Variants in DCAKD observed in about 807,000 individuals in gnomAD.
The protein encoded by DCAKD is dephospho-CoA kinase domain-containing protein.
DCAKD carries 15 observed loss-of-function variants against 18.7 expected under a neutral mutation model. The observed-to-expected ratio is 0.80, with a 90% CI of 0.54 to 1.24. The LOEUF is 1.24. DCAKD is among the 50% of genes most tolerant of loss of function. The pLI, the probability that DCAKD is intolerant of heterozygous loss-of-function variation, is 0.00. For missense variants in DCAKD, 301 were observed against 322.0 expected, an observed-to-expected ratio of 0.93 and a Z score of 0.50; for synonymous variants, 130 against 133.0, an observed-to-expected ratio of 0.98 and a Z score of 0.16.
upstream of DCAKD, chr17:45,054,249 TA>T (rs1597990134): frequency 7.0e-6 from 3 of 431,350 alleles, no homozygotes; most frequent in East Asian, 6.9e-5. Flanking sequence ...AAGACAGTTT[TA>T]TTTATTTTTT....
chr17:45,024,509 A>G lies in DCAKD; in HGVS notation c.620T>C (p.Phe207Ser). ...GGCAGCGAGCCCTGTGAGGACCCCA[A>G]ACCTCAGCGGCAGGTACTCCAGGGA... ...ERSLEYLPLR[F>S]GVLTGLAAIA... Residue 207 changes from phenylalanine (F) to serine (S), a missense_variant, in exon 5 of 5, where the codon TTT becomes TCT. By Grantham distance (155) the Phe-to-Ser change is radical. Coordinates refer to ENST00000651974, the MANE Select transcript of DCAKD (RefSeq NM_001288655.2). 3.7e-6 allele frequency: 6 copies of G among 1,614,116 alleles called. No individual in the cohort carries two copies. The highest frequency in any genetic ancestry group is 5.1e-6 in the Non-Finnish European group (6 of 1,179,978).
At chr17:45,025,813 G>A (rs182270051) in intron 4 of DCAKD, among the ~76,000 whole-genome samples, 149 of 141,374 alleles carry the variant, frequency 1.1e-3, no homozygotes, top group African/African-American at 3.6e-3. Flanking sequence ...GTGCAGTGGC[G>A]TGATCTTGGC....
At chr17:45,031,105 G>C (rs2053163592) in intron 3 of DCAKD, 1 of 985,290 alleles carries the variant, frequency 1.0e-6, no homozygotes, top group African/African-American at 1.7e-5. Context: ...TGGCCTGGCT[G>C]GGGCAGGAGA....
chr17:45,061,101 T>A, exon 1 of DCAKD: 1 of 1,321,246 alleles, frequency 7.6e-7, no homozygotes, highest in Non-Finnish European at 9.7e-7. Context: ...CCTCAAAGCG[T>A]GGCCGAATGC....
chr17:45,059,227 A>G (rs2053821837), intron 1 of DCAKD, among the ~76,000 whole-genome samples: 1 of 151,940 alleles, frequency 6.6e-6, no homozygotes, highest in Non-Finnish European at 1.5e-5. Context: ...GCGACAGAGC[A>G]AGAGAGCGAG....
intron 1 of DCAKD, among the ~76,000 whole-genome samples, chr17:45,041,655 C>G (rs1222784852): frequency 6.6e-6 from 1 of 152,140 alleles, no homozygotes; most frequent in Admixed American, 6.6e-5. Flanking sequence ...CTGGTGTTCT[C>G]TCTGCCAGAC....
In DCAKD at chr17:45,023,913, A is replaced by C. The variant is rs7225735; in HGVS notation, c.*520T>G. On this transcript the variant is annotated 3_prime_UTR_variant, in exon 5 of 5. Transcript: ENST00000651974. ...ACTGGGGGGCCTGGGCCTTCAGTAT[A>C]AAAAATATCTCAACCTAGGGGAGGG... The C allele has an allele frequency of 0.66, 100,200 of 152,480 alleles. 33,598 individuals are homozygous for C. The highest frequency in any genetic ancestry group is 0.77 in the African/African-American group (32,060 of 41,404). 9.4% of individuals were successfully genotyped at this position (152,480 alleles called of 1,614,324 possible).
chr17:45,036,397 T>A (rs1329371158), intron 1 of DCAKD, among the ~76,000 whole-genome samples: 4 of 152,018 alleles, frequency 2.6e-5, no homozygotes, highest in Non-Finnish European at 5.9e-5. Flanking sequence ...GCGCCTGCAG[T>A]CCCAGCTACT....
intron 3 of DCAKD, chr17:45,031,074 GCTT>G: frequency 3.0e-6 from 3 of 985,404 alleles, no homozygotes; most frequent in Non-Finnish European, 3.6e-6. Context: ...ATAGGAAAAT[GCTT>G]CTCTGCCCAG....
At chr17:45,027,046 C>T (rs1213731344) in intron 4 of DCAKD, among the ~76,000 whole-genome samples, 3 of 152,178 alleles carry the variant, frequency 2.0e-5, no homozygotes, top group Non-Finnish European at 4.4e-5. Context: ...ACAAATTTTT[C>T]AAAAACATGA....
chr17:45,039,016 G>A (rs746037350), intron 1 of DCAKD, among the ~76,000 whole-genome samples: 1 of 152,236 alleles, frequency 6.6e-6, no homozygotes, highest in South Asian at 2.1e-4. Flanking sequence ...AGTACCAGAT[G>A]AAAACATCTG....
At chr17:45,056,526 T>TCC (rs1790258237), upstream of DCAKD, among the ~76,000 whole-genome samples, 2 of 152,140 alleles carry the variant, frequency 1.3e-5, no homozygotes, top group South Asian at 2.1e-4. Context: ...CAGGTTGGAG[T>TCC]GCAATGGTGC....
intron 2 of DCAKD, 28 bp downstream of exon 2, chr17:45,034,746 G>T: frequency 6.2e-7 from 1 of 1,606,476 alleles, no homozygotes; most frequent in South Asian, 1.1e-5. Flanking sequence ...TGCTGTGCAC[G>T]GCCCCCCAAC....
chr17:45,026,950 G>A (rs2053068194), intron 4 of DCAKD: 2 of 345,462 alleles, frequency 5.8e-6, no homozygotes, highest in Non-Finnish European at 8.1e-6. Flanking sequence ...GCCCTTCCTG[G>A]GGCTCAGAAA....
rs2053003090 is a variant in DCAKD, at chr17:45,024,261, A to G, written c.*172T>C. ...CCAAAGACGGGATGGCCTGGCACAG[A>G]GGCCCAGCCCTGATTCGGAGAGTCC... is the stretch of plus-strand genomic sequence containing the variant. On this transcript the variant is annotated 3_prime_UTR_variant, in exon 5 of 5. Transcript: ENST00000651974. The G allele has an allele frequency of 2.4e-6, 2 of 850,730 alleles. No individual in the cohort carries two copies. Among genetic ancestry groups the G allele is most frequent in the African/African-American group, 3.4e-5 (2 of 58,652 alleles). 52.7% of individuals were successfully genotyped at this position (850,730 alleles called of 1,614,324 possible). A position where few individuals can be genotyped will look rare whatever the true frequency, so the allele number is the denominator to read the frequency against.
At chr17:45,047,157 T>C (rs2053588680) in intron 1 of DCAKD, among the ~76,000 whole-genome samples, 1 of 151,136 alleles carries the variant, frequency 6.6e-6, no homozygotes, top group Non-Finnish European at 1.5e-5. Context: ...CTTCAACTCC[T>C]GTGTATTTAA....
rs892182530 is a variant in DCAKD, at chr17:45,034,284, G to T, written c.219C>A (p.Ile73=). The change falls in exon 3 of 5, where the codon ATC becomes ATA. Residue 73 remains isoleucine, a synonymous_variant. Transcript: ENST00000651974. Reference sequence around the variant, plus strand: ...GCTGCCGCCGGTCAGGCTGGTTAAAGATCAGGTCCCCCAGGACCTTGCGAT... The same window carrying T: ...GCTGCCGCCGGTCAGGCTGGTTAAATATCAGGTCCCCCAGGACCTTGCGAT... The part of the protein sequence containing the change: ...DINRKVLGDL[I]FNQPDRRQLL... 6 of 1,614,218 alleles carry T rather than the reference G, an allele frequency of 3.7e-6. No homozygotes were observed. Among genetic ancestry groups the T allele is most frequent in the Non-Finnish European group, 5.1e-6 (6 of 1,180,040 alleles).
At chr17:45,026,592 G>A in intron 4 of DCAKD, 1 of 984,554 alleles carries the variant, frequency 1.0e-6, no homozygotes. Context: ...CAAACTCCTG[G>A]GCTTAAGTGA....
At chr17:45,038,543 GT>G (rs1427116475) in intron 1 of DCAKD, among the ~76,000 whole-genome samples, 24 of 152,176 alleles carry the variant, frequency 1.6e-4, no homozygotes, top group African/African-American at 5.8e-4. Context: ...ATGAGACAAA[GT>G]AAGGAAGATG....
Sources: allele counts gnomAD v4.1 joint callset (sites outside exome capture counted in the v4.1 genomes callset), GRCh38; gene constraint gnomAD v4.1.1; transcripts MANE v1.5; gene names NCBI Gene and HGNC (gene_info 2026-07-23, HGNC 2026-07-21).